The following TRMT2B variants were observed in gnomAD, a reference collection of about 807,000 sequenced individuals.
TRMT2B encodes the protein tRNA (uracil-5-)-methyltransferase homolog B.
A neutral mutation model predicts 39.7 loss-of-function variants in TRMT2B; 34 were observed. The observed-to-expected ratio is 0.86, with a 90% CI of 0.65 to 1.14. The LOEUF (loss-of-function observed/expected upper bound fraction) is 1.14. Among genes scored for constraint, TRMT2B ranks in the 50% most tolerant of loss-of-function variants. The pLI, the probability that TRMT2B is intolerant of heterozygous loss-of-function variation, is 0.00. For missense variants in TRMT2B, 318 were observed against 377.2 expected, an observed-to-expected ratio of 0.84 and a Z score of 1.30; for synonymous variants, 132 against 137.3, an observed-to-expected ratio of 0.96 and a Z score of 0.27.
chrX:100,992,137 C>T, the TRMT2B span, among the ~76,000 whole-genome samples: 1 of 110,751 alleles, frequency 9.0e-6, no homozygotes, highest in African/African-American at 3.3e-5. Context: ...TATTATCATA[C>T]ATACCCACAA....
chrX:101,017,866 C>T (rs1174387143), intron 13 of TRMT2B, among the ~76,000 whole-genome samples: 3 of 112,040 alleles, frequency 2.7e-5, no homozygotes, highest in Non-Finnish European at 3.8e-5. Context: ...GGGCAGATCC[C>T]ACCTTTCCCA....
the TRMT2B span, chrX:100,973,706 C>T: frequency 5.0e-6 from 6 of 1,209,536 alleles, no homozygotes; most frequent in African/African-American, 1.0e-4. Context: ...CGGCTTTTGT[C>T]CTCCTGCTGC....
the TRMT2B span, among the ~76,000 whole-genome samples, chrX:100,991,722 G>T: frequency 8.9e-6 from 1 of 111,753 alleles, no homozygotes; most frequent in South Asian, 3.7e-4. Context: ...AACAACCCTT[G>T]GGGGTAAGCA....
chrX:101,002,133 CA>C, the TRMT2B span, among the ~76,000 whole-genome samples: 4 of 111,292 alleles, frequency 3.6e-5, no homozygotes, highest in Admixed American at 3.9e-4. Flanking sequence ...TCATTTAAAC[CA>C]AAACAAAGGG....
chrX:101,020,208 T>C (rs1290387437), intron 11 of TRMT2B, among the ~76,000 whole-genome samples: 1 of 111,993 alleles, frequency 8.9e-6, no homozygotes, highest in East Asian at 2.8e-4. Flanking sequence ...AGGAGATTCT[T>C]CTTCTATTCT....
chrX:100,995,198 T>C, the TRMT2B span, among the ~76,000 whole-genome samples: 13 of 111,484 alleles, frequency 1.2e-4, no homozygotes, highest in African/African-American at 3.3e-4. Flanking sequence ...TGAAAGTGTA[T>C]AGAGAATGAG....
chrX:100,986,925 C>A, the TRMT2B span: 2 of 1,065,730 alleles, frequency 1.9e-6, no homozygotes, highest in South Asian at 2.1e-5. Flanking sequence ...TCTTCCTTCC[C>A]TCTTCCTCTG....
chrX:100,988,157 G>A, the TRMT2B span: 98 of 1,119,305 alleles, frequency 8.8e-5, no homozygotes, highest in Non-Finnish European at 1.1e-4. Context: ...AAGTGTGTCC[G>A]TTTCTACTAC....
chrX:100,986,967 T>G, the TRMT2B span: 1 of 757,757 alleles, frequency 1.3e-6, no homozygotes, highest in Non-Finnish European at 1.9e-6. Flanking sequence ...TGGCCCATTC[T>G]ATAGTCAGTC....
chrX:101,023,444 GT>G, intron 8 of TRMT2B, 25 bp downstream of exon 8: 1 of 1,197,075 alleles, frequency 8.4e-7, no homozygotes, highest in Non-Finnish European at 1.1e-6. Flanking sequence ...AAAAGTTAAG[GT>G]TGCTTAACAT....
At chrX:100,996,671 C>A in the TRMT2B span, among the ~76,000 whole-genome samples, 1 of 111,727 alleles carries the variant, frequency 9.0e-6, no homozygotes, top group East Asian at 2.8e-4. Flanking sequence ...AACTCCAAGC[C>A]GACCAAATAA....
intron 7 of TRMT2B, among the ~76,000 whole-genome samples, chrX:101,029,555 A>T (rs1030039243): frequency 9.0e-5 from 10 of 111,692 alleles, no homozygotes; most frequent in Non-Finnish European, 1.5e-4. Context: ...CTTATTTTTT[A>T]AAAAATCTGT....
At chrX:101,016,963 A>T (rs2086559400) in intron 13 of TRMT2B, among the ~76,000 whole-genome samples, 1 of 111,596 alleles carries the variant, frequency 9.0e-6, no homozygotes, top group Admixed American at 9.6e-5. Flanking sequence ...TCACGAGGTC[A>T]AAAGTTCAAG....
chrX:100,997,070 C>T, the TRMT2B span, among the ~76,000 whole-genome samples: 107 of 111,289 alleles, frequency 9.6e-4, 1 homozygote, highest in African/African-American at 3.3e-3. Flanking sequence ...CACACTACCC[C>T]TCTTGTCACC....
Position 101,037,922 on chromosome X carries a change from G to T in TRMT2B, c.433C>A (p.Pro145Thr). 8.3e-7 allele frequency: 1 copy of T among 1,210,310 alleles called. No homozygotes were observed. The change falls in exon 5 of 14, where the codon CCC becomes ACC. Residue 145 changes from proline (P) to threonine (T), a missense_variant. Physicochemically the swap from Pro to Thr is conservative, Grantham distance 38. Transcript: ENST00000372936. Reference sequence around the variant, plus strand: ...ATAGGGAGGTGGGGGCTTACAGAGGGTATAATAGGATGGAGAAGACAAGAG... The same window carrying T: ...ATAGGGAGGTGGGGGCTTACAGAGGTTATAATAGGATGGAGAAGACAAGAG... ...RLSCLLHPII[P>T]SPVINGYRNK...
chrX:101,048,113 T>TACACACACACACACAC (rs56212711), intron 2 of TRMT2B, among the ~76,000 whole-genome samples: 4 of 90,399 alleles, frequency 4.4e-5, no homozygotes, highest in African/African-American at 1.2e-4. Context: ...TTTATACACA[T>TACACACACACACACAC]ACACACACAC....
At chrX:101,032,871 G>A (rs2087580154) in intron 7 of TRMT2B, among the ~76,000 whole-genome samples, 1 of 109,336 alleles carries the variant, frequency 9.1e-6, no homozygotes. Context: ...GCAGACTCCA[G>A]GAAAAAGGTC....
intron 2 of TRMT2B, among the ~76,000 whole-genome samples, chrX:101,047,263 T>C (rs2088741811): frequency 9.2e-6 from 1 of 109,215 alleles, no homozygotes; most frequent in Non-Finnish European, 1.9e-5. Flanking sequence ...TTTGTGAAAC[T>C]CTGAGCAGAG....
chrX:100,976,130 C>T, the TRMT2B span, among the ~76,000 whole-genome samples: 1 of 109,856 alleles, frequency 9.1e-6, no homozygotes, highest in Non-Finnish European at 1.9e-5. Context: ...CAGCAAAAAT[C>T]ACAAGATTAT....
Sources: allele counts gnomAD v4.1 joint callset (sites outside exome capture counted in the v4.1 genomes callset), GRCh38; gene constraint gnomAD v4.1.1; transcripts MANE v1.5; gene names NCBI Gene and HGNC (gene_info 2026-07-23, HGNC 2026-07-21).